The following HTATIP2 variants were observed in gnomAD, a reference collection of about 807,000 sequenced individuals.
HTATIP2 encodes protein HTATIP2.
A neutral mutation model predicts 24.7 loss-of-function variants in HTATIP2; 26 were observed. The observed-to-expected ratio is 1.05, with a 90% CI of 0.77 to 1.46. HTATIP2 has a LOEUF of 1.46. Among genes scored for constraint, HTATIP2 ranks in the 40% most tolerant of loss-of-function variants. The pLI is 0.00. For missense variants in HTATIP2, 284 were observed against 289.6 expected (o/e 0.98, Z 0.14); for synonymous variants, 99 against 113.2 (o/e 0.87, Z 0.79).
intron 4 of HTATIP2, 28 bp from the exon 5 acceptor site, chr11:20,382,948 TTTTC>T (rs753466366): frequency 6.6e-7 from 1 of 1,517,356 alleles, no homozygotes; most frequent in Non-Finnish European, 8.9e-7. Context: ...CTTCCTCTGC[TTTTC>T]TTTCTTTTTT....
chr11:20,372,706 T>C (rs1174151067), intron 2 of HTATIP2, among the ~76,000 whole-genome samples: 2 of 152,178 alleles, frequency 1.3e-5, no homozygotes, highest in African/African-American at 4.8e-5. Flanking sequence ...CTAAAAATTG[T>C]GTTTCTGAGA....
chr11:20,374,815 G>A (rs925739136), intron 2 of HTATIP2, among the ~76,000 whole-genome samples: 1 of 152,192 alleles, frequency 6.6e-6, no homozygotes, highest in African/African-American at 2.4e-5. Context: ...AAATGACACA[G>A]TTGACTGGTG....
Position 20,383,165 on chromosome 11 carries a change from T to C in HTATIP2, c.689T>C (p.Ile230Thr), listed in dbSNP as rs1426493492. The part of the protein sequence containing the change: ...KQMELLENKA[I>T]HDLGKAHGSL... Reference sequence around the variant, plus strand: ...ATGGAACTGCTGGAGAACAAGGCCATCCATGACCTGGGGAAAGCGCATGGC... The same window carrying C: ...ATGGAACTGCTGGAGAACAAGGCCACCCATGACCTGGGGAAAGCGCATGGC... The change falls in exon 5 of 5, where the codon ATC becomes ACC. Residue 230 changes from isoleucine to threonine, a missense_variant. Coordinates refer to ENST00000451739, the MANE Select transcript of HTATIP2 (RefSeq NM_001098522.2). 1 of 1,613,938 alleles carries C rather than the reference T, an allele frequency of 6.2e-7. No homozygotes were observed.
chr11:20,366,736 A>G (rs1047923867), intron 1 of HTATIP2, among the ~76,000 whole-genome samples: 5 of 152,158 alleles, frequency 3.3e-5, no homozygotes, highest in African/African-American at 1.2e-4. Context: ...CAGCTGAAAA[A>G]AAAAAGCTGT....
At chr11:20,365,507 C>T (rs1565180914) in intron 1 of HTATIP2, among the ~76,000 whole-genome samples, 1 of 152,176 alleles carries the variant, frequency 6.6e-6, no homozygotes, top group African/African-American at 2.4e-5. Context: ...AATAACAAGC[C>T]ATCTTGCAAA....
At chr11:20,373,738 T>A (rs2064796548) in intron 2 of HTATIP2, among the ~76,000 whole-genome samples, 1 of 152,022 alleles carries the variant, frequency 6.6e-6, no homozygotes, top group South Asian at 2.1e-4. Flanking sequence ...GGAAGAAAAA[T>A]TTAGTGTCTT....
rs142077207 is a variant in HTATIP2 at position 20,383,079 on chromosome 11, G to A, written c.603G>A (p.Val201=). 32 of 1,613,854 alleles carry A rather than the reference G, an allele frequency of 2.0e-5. No homozygotes were observed. The African/African-American group carries it at 2.0e-4, about 10-fold the overall frequency. Residue 201 remains valine, a synonymous_variant, in exon 5 of 5, where the codon GTG becomes GTA. Transcript: ENST00000451739. The part of the protein sequence containing the change: ...LPDSWASGHS[V]PVVTVVRAML... ...ACTCTTGGGCCAGTGGGCATTCTGTGCCTGTGGTGACCGTGGTTAGAGCAA... is the reference window on the plus strand; with the variant it reads ...ACTCTTGGGCCAGTGGGCATTCTGTACCTGTGGTGACCGTGGTTAGAGCAA...
At chr11:20,370,439 G>A (rs1284766035) in intron 2 of HTATIP2, among the ~76,000 whole-genome samples, 1 of 152,168 alleles carries the variant, frequency 6.6e-6, no homozygotes, top group African/African-American at 2.4e-5. Flanking sequence ...GTCGTAGTAG[G>A]CTCCAGAAGT....
At position 20,366,997 on chromosome 11, in the gene HTATIP2, G is replaced by T. The variant is rs144263916; in HGVS notation, c.196-177G>T. Among the ~76,000 whole-genome samples, 3 of 152,296 alleles carry T rather than the reference G, an allele frequency of 2.0e-5. No homozygotes were observed. The East Asian group carries it at 5.8e-4, about 29-fold the overall frequency. On this transcript the variant is annotated intron_variant, in intron 1 of 4. Coordinates refer to ENST00000451739, the MANE Select transcript of HTATIP2 (RefSeq NM_001098522.2). ...TAGACTGTGGACATATGTGTGTGTTGTTGATTTTCAACTGAGGTTCATTGC... is the reference window on the plus strand; with the variant it reads ...TAGACTGTGGACATATGTGTGTGTTTTTGATTTTCAACTGAGGTTCATTGC...
intron 2 of HTATIP2, 35 bp downstream of exon 2, chr11:20,367,316 G>A (rs2064721648): frequency 6.2e-7 from 1 of 1,613,226 alleles, no homozygotes; most frequent in African/African-American, 1.3e-5. Context: ...CCTTTTTGCT[G>A]GCCAGTAATA....
intron 2 of HTATIP2, among the ~76,000 whole-genome samples, chr11:20,375,391 G>T (rs1848430713): frequency 2.0e-5 from 3 of 152,172 alleles, no homozygotes; most frequent in Admixed American, 2.0e-4. Context: ...CGCTAACGTG[G>T]TGAAACCCTG....
In HTATIP2 at chr11:20,364,111, C is replaced by T. The variant is rs2064666308; in HGVS notation, c.-127C>T. The T allele has an allele frequency of 9.0e-6, 13 of 1,437,524 alleles. No individual in the cohort carries two copies. Among genetic ancestry groups the T allele is most frequent in the Non-Finnish European group, 1.2e-5 (13 of 1,093,806 alleles). 89.0% of individuals were successfully genotyped at this position (1,437,524 alleles called of 1,614,324 possible). ...CCCCGCACGTGACTCAGCACTTTCC[C>T]CAGAGCCCGGACTGCGGAGAACAAT... On this transcript the variant is annotated 5_prime_UTR_variant, in exon 1 of 5. Transcript: ENST00000451739.
At position 20,364,286 on chromosome 11, in the gene HTATIP2, C is replaced by T. The variant is rs771485360; in HGVS notation, c.49C>T (p.Gln17Ter). The change falls in exon 1 of 5, where the codon CAG becomes TAG. Residue 17 changes from glutamine (Q) to a stop codon, truncating the protein, a stop_gained. Coordinates refer to ENST00000451739, the MANE Select transcript of HTATIP2 (RefSeq NM_001098522.2). LOFTEE classifies it high-confidence loss of function. ...GAAGCTTCGGGAAGACTTCAGGATG[C>T]AGAATAAATCCGTCTTTATTTTGGG... is the stretch of plus-strand genomic sequence containing the variant. ...LSKLREDFRM[Q>*]NKSVFILGAS... is the part of the protein sequence containing the mutation. 8 of 1,613,014 alleles carry T rather than the reference C, an allele frequency of 5.0e-6. No individual in the cohort carries two copies. The highest frequency in any genetic ancestry group is 6.8e-6 in the Non-Finnish European group (8 of 1,179,302).
intron 2 of HTATIP2, among the ~76,000 whole-genome samples, chr11:20,367,816 C>CG (rs1413099878): frequency 6.6e-6 from 1 of 152,202 alleles, no homozygotes; most frequent in Non-Finnish European, 1.5e-5. Context: ...TCTTTACTGA[C>CG]GCAAAAGTCT....
intron 2 of HTATIP2, among the ~76,000 whole-genome samples, chr11:20,374,791 T>C (rs1382493783): frequency 6.6e-6 from 1 of 152,192 alleles, no homozygotes; most frequent in African/African-American, 2.4e-5. Flanking sequence ...TTTAATAATG[T>C]GTTTGTTACA....
intron 3 of HTATIP2, among the ~76,000 whole-genome samples, chr11:20,377,770 G>A (rs1431314691): frequency 6.6e-6 from 1 of 152,174 alleles, no homozygotes; most frequent in African/African-American, 2.4e-5. Context: ...GAAATTTATT[G>A]TTATGTAAAT....
intron 2 of HTATIP2, among the ~76,000 whole-genome samples, chr11:20,374,723 C>T (rs953718109): frequency 6.6e-6 from 1 of 152,244 alleles, no homozygotes; most frequent in Non-Finnish European, 1.5e-5. Context: ...TTCTAAAACA[C>T]TGAATTTCCC....
intron 2 of HTATIP2, 146 bp downstream of exon 2, chr11:20,367,427 C>A: frequency 6.5e-7 from 1 of 1,534,516 alleles, no homozygotes; most frequent in South Asian, 1.2e-5. Context: ...CTGCACTAAC[C>A]TTTGGTATCC....
intron 2 of HTATIP2, among the ~76,000 whole-genome samples, chr11:20,369,849 A>G (rs548277370): frequency 6.6e-6 from 1 of 152,318 alleles, no homozygotes; most frequent in East Asian, 1.9e-4. Context: ...ATGTAATCCA[A>G]CCCACAAAAT....
Sources: allele counts gnomAD v4.1 joint callset (sites outside exome capture counted in the v4.1 genomes callset), GRCh38; gene constraint gnomAD v4.1.1; transcripts MANE v1.5; gene names NCBI Gene and HGNC (gene_info 2026-07-23, HGNC 2026-07-21).